The following KCNH8 variants were observed in gnomAD, a reference collection of about 807,000 sequenced individuals.
KCNH8 encodes the protein voltage-gated delayed rectifier potassium channel KCNH8.
KCNH8 carries 70 observed loss-of-function variants against 103.6 expected under a neutral mutation model. The observed-to-expected ratio is 0.68, with a 90% CI of 0.56 to 0.82. The LOEUF is 0.82. KCNH8 is among the 40% of genes least tolerant of loss of function. The pLI is 0.00. For missense variants in KCNH8, 1,217 were observed against 1,329.9 expected, an observed-to-expected ratio of 0.92 and a Z score of 1.32; for synonymous variants, 498 against 489.4, an observed-to-expected ratio of 1.02 and a Z score of -0.23.
At chr3:19,426,863 G>C (rs950665961) in intron 7 of KCNH8, among the ~76,000 whole-genome samples, 1 of 151,994 alleles carries the variant, frequency 6.6e-6, no homozygotes, top group African/African-American at 2.4e-5. Flanking sequence ...TTGCTCTTTA[G>C]TCAATAAATA....
At chr3:19,332,477 TAAC>T (rs2065524097) in intron 3 of KCNH8, among the ~76,000 whole-genome samples, 1 of 152,164 alleles carries the variant, frequency 6.6e-6, no homozygotes, top group South Asian at 2.1e-4. Flanking sequence ...CCAGTTTACT[TAAC>T]AATTGTGCAC....
intron 3 of KCNH8, among the ~76,000 whole-genome samples, chr3:19,307,894 G>T (rs1203585448): frequency 6.6e-6 from 1 of 151,774 alleles, no homozygotes; most frequent in Non-Finnish European, 1.5e-5. Flanking sequence ...TGTTGGTAAG[G>T]GTAGGTGAAA....
At chr3:19,300,632 T>G (rs898613917) in intron 3 of KCNH8, among the ~76,000 whole-genome samples, 1 of 152,158 alleles carries the variant, frequency 6.6e-6, no homozygotes, top group African/African-American at 2.4e-5. Context: ...GAGCGGAGAT[T>G]ACATAACGGT....
chr3:19,386,836 G>A (rs1302140309), intron 5 of KCNH8, among the ~76,000 whole-genome samples: 1 of 152,092 alleles, frequency 6.6e-6, no homozygotes. Context: ...TTTAAAGGGA[G>A]TGGGACAGCT....
At chr3:19,459,571 T>C (rs2067589203) in intron 11 of KCNH8, among the ~76,000 whole-genome samples, 1 of 152,242 alleles carries the variant, frequency 6.6e-6, no homozygotes, top group African/African-American at 2.4e-5. Flanking sequence ...TTCTGTTGAT[T>C]GTTCCTTTTC....
chr3:19,350,993 A>T (rs148771459), intron 5 of KCNH8, among the ~76,000 whole-genome samples: 2,626 of 152,186 alleles, frequency 0.017, 70 homozygotes, highest in African/African-American at 0.06. Flanking sequence ...TTGAAAAAAG[A>T]TTAGATGAAT....
At chr3:19,360,741 T>A (rs540809497) in intron 5 of KCNH8, among the ~76,000 whole-genome samples, 2 of 152,104 alleles carry the variant, frequency 1.3e-5, no homozygotes, top group South Asian at 4.1e-4. Context: ...ATAAAAGAAA[T>A]CATTTATAAT....
chr3:19,376,873 C>G (rs910186684), intron 5 of KCNH8, among the ~76,000 whole-genome samples: 1 of 152,076 alleles, frequency 6.6e-6, no homozygotes, highest in Non-Finnish European at 1.5e-5. Context: ...CAATAGTGAA[C>G]AAAGAGATGT....
chr3:19,386,240 CT>C (rs1346728705), intron 5 of KCNH8, among the ~76,000 whole-genome samples: 1 of 152,082 alleles, frequency 6.6e-6, no homozygotes, highest in African/African-American at 2.4e-5. Context: ...ACATTTTTCT[CT>C]TGATTATTTG....
intron 11 of KCNH8, among the ~76,000 whole-genome samples, chr3:19,493,395 C>G (rs1284337394): frequency 6.6e-6 from 1 of 152,078 alleles, no homozygotes; most frequent in Admixed American, 6.6e-5. Flanking sequence ...CAGTTTTCTC[C>G]ATGCTGCTCT....
intron 11 of KCNH8, among the ~76,000 whole-genome samples, chr3:19,498,349 G>T (rs2068491088): frequency 6.6e-6 from 1 of 152,160 alleles, no homozygotes; most frequent in Non-Finnish European, 1.5e-5. Flanking sequence ...GTGTACTTAA[G>T]TGTGTTTTTG....
chr3:19,271,346 C>T (rs904562994), intron 2 of KCNH8, among the ~76,000 whole-genome samples: 1 of 152,102 alleles, frequency 6.6e-6, no homozygotes, highest in African/African-American at 2.4e-5. Flanking sequence ...ATCTGAAATG[C>T]CTTTGTATGT....
chr3:19,490,083 C>A (rs1284584985), intron 11 of KCNH8, among the ~76,000 whole-genome samples: 1 of 152,210 alleles, frequency 6.6e-6, no homozygotes, highest in Non-Finnish European at 1.5e-5. Context: ...AGGGCAAATG[C>A]CTACCCGAGA....
At chr3:19,494,574 A>C (rs1354241804) in intron 11 of KCNH8, among the ~76,000 whole-genome samples, 1 of 152,124 alleles carries the variant, frequency 6.6e-6, no homozygotes, top group African/African-American at 2.4e-5. Context: ...CAACAGCATG[A>C]AAATGAACTA....
chr3:19,433,139 G>T (rs79869442), intron 7 of KCNH8, among the ~76,000 whole-genome samples: 7 of 152,012 alleles, frequency 4.6e-5, no homozygotes, highest in Admixed American at 4.6e-4. Flanking sequence ...ACTTCCTATC[G>T]TACAAACTTT....
intron 2 of KCNH8, among the ~76,000 whole-genome samples, chr3:19,258,386 G>A (rs1369505098): frequency 2.0e-5 from 3 of 152,070 alleles, no homozygotes; most frequent in Middle Eastern, 3.4e-3. Context: ...AATCTCTGGA[G>A]GTTTTTGACT....
intron 8 of KCNH8, among the ~76,000 whole-genome samples, chr3:19,444,994 G>T (rs770124107): frequency 6.6e-6 from 1 of 151,844 alleles, no homozygotes; most frequent in Non-Finnish European, 1.5e-5. Context: ...ATAACCAATG[G>T]AAATGCATAC....
chr3:19,453,873 TC>T (rs1470339232), intron 10 of KCNH8, among the ~76,000 whole-genome samples: 2 of 152,128 alleles, frequency 1.3e-5, no homozygotes, highest in Non-Finnish European at 2.9e-5. Context: ...ATGATTATTT[TC>T]AAAATTAAAG....
At chr3:19,530,291 T>C (rs2125253752) in intron 15 of KCNH8, among the ~76,000 whole-genome samples, 1 of 152,302 alleles carries the variant, frequency 6.6e-6, no homozygotes, top group East Asian at 1.9e-4. Flanking sequence ...TCAAAATATC[T>C]AGAAGATCTG....
Sources: allele counts gnomAD v4.1 joint callset (sites outside exome capture counted in the v4.1 genomes callset), GRCh38; gene constraint gnomAD v4.1.1; transcripts MANE v1.5; gene names NCBI Gene and HGNC (gene_info 2026-07-23, HGNC 2026-07-21).